The following CAB39L variants were observed in gnomAD, a reference collection of about 807,000 sequenced individuals.
CAB39L encodes the protein calcium-binding protein 39-like.
In CAB39L, 23 loss-of-function variants were observed where a neutral mutation model predicts 39.1. That is an observed-to-expected ratio of 0.59 (90% CI 0.42 to 0.83). The LOEUF is 0.83. Ranked by LOEUF, CAB39L falls within the 40% of genes least tolerant of loss-of-function variation. CAB39L has a pLI of 0.00. For missense variants in CAB39L, 366 were observed against 391.9 expected (o/e 0.93, Z 0.56); for synonymous variants, 126 against 137.2 (o/e 0.92, Z 0.57).
chr13:49,386,144 A>G (rs1956353655), intron 3 of CAB39L, among the ~76,000 whole-genome samples: 1 of 152,222 alleles, frequency 6.6e-6, no homozygotes, highest in Admixed American at 6.5e-5. Flanking sequence ...ACTCCCTGAC[A>G]TCAAAACAGA....
intron 3 of CAB39L, among the ~76,000 whole-genome samples, chr13:49,404,627 C>T (rs1370854874): frequency 2.6e-5 from 4 of 152,026 alleles, no homozygotes; most frequent in African/African-American, 4.8e-5. Flanking sequence ...CAGAGATATG[C>T]GACCTTTAAG....
At chr13:49,332,149 C>T (rs1954720005) in intron 9 of CAB39L, 59 bp from the exon 10 acceptor site, 5 of 1,550,170 alleles carry the variant, frequency 3.2e-6, no homozygotes, top group Admixed American at 2.0e-5. Context: ...CAAAATATAG[C>T]TCACGTCTTC....
In CAB39L at chr13:49,340,359, G is replaced by A. The variant is rs73485422; in HGVS notation, c.625-617C>T. 4.7e-3 allele frequency among the ~76,000 whole-genome samples: 720 copies of A among 152,296 alleles called. 8 individuals are homozygous for A. The highest frequency in any genetic ancestry group is 0.017 in the African/African-American group (698 of 41,556). ...GGTTCAGCATTCACTTCCATCAGGT[G>A]TGGGCACACAGCTCATAGAGCACTG... is the stretch of plus-strand genomic sequence containing the variant. On this transcript the variant is annotated intron_variant, in intron 8 of 10. Coordinates refer to ENST00000409308, the MANE Select transcript of CAB39L (RefSeq NM_001079670.3).
chr13:49,343,049 T>G (rs533627658), intron 8 of CAB39L, among the ~76,000 whole-genome samples: 7 of 152,304 alleles, frequency 4.6e-5, no homozygotes, highest in Non-Finnish European at 8.8e-5. Context: ...TGGCTGGCAT[T>G]ATATTTCTAC....
At chr13:49,311,711 A>C (rs1953994500) in intron 10 of CAB39L, among the ~76,000 whole-genome samples, 1 of 152,240 alleles carries the variant, frequency 6.6e-6, no homozygotes, top group Non-Finnish European at 1.5e-5. Flanking sequence ...AAAAATAAAA[A>C]ACTTTAAGCA....
In CAB39L at chr13:49,365,588, C is replaced by T. The variant is rs563236297; in HGVS notation, c.277-5756G>A. Among the ~76,000 whole-genome samples, 8 of 152,302 alleles carry T rather than the reference C, an allele frequency of 5.3e-5. No homozygotes were observed. In the South Asian group the frequency reaches 6.2e-4, roughly 12 times the overall value. On this transcript the variant is annotated intron_variant, in intron 5 of 10. Transcript: ENST00000409308. ...ATCAGAGAAATGCAAATCAAAACTA[C>T]AACGAGATATCCTCTCACGACAGTT... is the stretch of plus-strand genomic sequence containing the variant.
At chr13:49,409,245 T>A (rs1956941759) in intron 3 of CAB39L, among the ~76,000 whole-genome samples, 1 of 152,128 alleles carries the variant, frequency 6.6e-6, no homozygotes, top group African/African-American at 2.4e-5. Flanking sequence ...GCAGCATGCA[T>A]AACCCAACTC....
intron 7 of CAB39L, among the ~76,000 whole-genome samples, chr13:49,349,455 CATATATAT>C (rs34379188): frequency 2.1e-5 from 3 of 141,802 alleles, no homozygotes; most frequent in Non-Finnish European, 4.6e-5. Context: ...AATCTGAATA[CATATATAT>C]ATATATATAT....
At chr13:49,426,842 T>C (rs1457296657) in intron 3 of CAB39L, among the ~76,000 whole-genome samples, 1 of 152,208 alleles carries the variant, frequency 6.6e-6, no homozygotes, top group African/African-American at 2.4e-5. Flanking sequence ...TACGTGTTTG[T>C]TTCTCTCTTG....
intron 7 of CAB39L, among the ~76,000 whole-genome samples, chr13:49,345,512 C>T (rs958179492): frequency 6.6e-6 from 1 of 152,102 alleles, no homozygotes; most frequent in Non-Finnish European, 1.5e-5. Flanking sequence ...ACAGGGGTTC[C>T]GTTCCCACCC....
At chr13:49,350,273 C>G (rs193110594) in intron 7 of CAB39L, among the ~76,000 whole-genome samples, 6 of 152,270 alleles carry the variant, frequency 3.9e-5, no homozygotes, top group Admixed American at 6.5e-5. Context: ...AAATTTCATT[C>G]ATAAAATAAC....
At chr13:49,424,550 G>A (rs1366525748) in intron 3 of CAB39L, among the ~76,000 whole-genome samples, 2 of 152,152 alleles carry the variant, frequency 1.3e-5, no homozygotes, top group African/African-American at 4.8e-5. Flanking sequence ...ACAAAGTATG[G>A]ACTCTAATTA....
intron 3 of CAB39L, among the ~76,000 whole-genome samples, chr13:49,426,587 C>T (rs935182763): frequency 2.6e-5 from 4 of 152,234 alleles, no homozygotes; most frequent in Non-Finnish European, 4.4e-5. Flanking sequence ...CCACCACACC[C>T]GGCTAATTTT....
Position 49,310,543 on chromosome 13 carries a change from G to A in CAB39L, c.*271C>T, listed in dbSNP as rs547915803. ...ATTTAGCGGCTCATTGTGCCCAGGG[G>A]CTCACATCTGCAAGTTAAAATTGCT... is the stretch of plus-strand genomic sequence containing the variant. On this transcript the variant is annotated 3_prime_UTR_variant, in exon 11 of 11. Coordinates refer to ENST00000409308, the MANE Select transcript of CAB39L (RefSeq NM_001079670.3). The A allele has an allele frequency of 1.1e-5, 3 of 284,472 alleles. No individual in the cohort carries two copies. Among genetic ancestry groups the A allele is most frequent in the Admixed American group, 4.7e-5 (1 of 21,436 alleles). The allele number at this position is 284,472 out of a possible 1,614,324, so 17.6% of individuals were successfully genotyped here.
intron 10 of CAB39L, among the ~76,000 whole-genome samples, chr13:49,319,356 G>A (rs909025200): frequency 1.3e-5 from 2 of 152,146 alleles, no homozygotes; most frequent in Non-Finnish European, 2.9e-5. Context: ...GCCACACACT[G>A]TATGATTCTA....
chr13:49,410,323 C>A (rs1387297459), intron 3 of CAB39L, among the ~76,000 whole-genome samples: 2 of 152,128 alleles, frequency 1.3e-5, no homozygotes, highest in Non-Finnish European at 2.9e-5. Context: ...CATAAGATAC[C>A]TTTTAGTAAA....
At chr13:49,319,016 G>A (rs1954271746) in intron 10 of CAB39L, among the ~76,000 whole-genome samples, 1 of 152,124 alleles carries the variant, frequency 6.6e-6, no homozygotes, top group Non-Finnish European at 1.5e-5. Flanking sequence ...GGCCAAGGCA[G>A]GTGGATCACT....
intron 7 of CAB39L, among the ~76,000 whole-genome samples, chr13:49,349,699 C>T (rs969011943): frequency 6.6e-6 from 1 of 151,990 alleles, no homozygotes; most frequent in South Asian, 2.1e-4. Flanking sequence ...TTCTAGCTAA[C>T]TTGATCACCC....
chr13:49,338,538 T>C (rs1593939450), intron 9 of CAB39L, among the ~76,000 whole-genome samples: 1 of 150,132 alleles, frequency 6.7e-6, no homozygotes, highest in Non-Finnish European at 1.5e-5. Context: ...CATTGGGAGA[T>C]ATACCTAATG....
Sources: gnomAD v4.1 joint callset for allele counts (sites outside exome capture counted in the v4.1 genomes callset) on GRCh38, gnomAD v4.1.1 for gene constraint, MANE v1.5 for transcripts, NCBI Gene and HGNC (gene_info 2026-07-23, HGNC 2026-07-21) for gene names.